CHST11: variants seen among roughly 807,000 people sequenced by gnomAD.
The protein encoded by CHST11 is carbohydrate sulfotransferase 11.
CHST11 carries 9 observed loss-of-function variants against 30.4 expected under a neutral mutation model. The observed-to-expected ratio is 0.30, with a 90% CI of 0.18 to 0.52. The LOEUF is 0.52. Ranked by LOEUF, CHST11 falls within the 20% of genes least tolerant of loss-of-function variation. CHST11 has a pLI of 0.97. For missense variants in CHST11, 348 were observed against 460.6 expected (o/e 0.76, Z 2.24); for synonymous variants, 152 against 187.8 (o/e 0.81, Z 1.56).
At chr12:104,718,021 A>T (rs1848694754) in intron 2 of CHST11, among the ~76,000 whole-genome samples, 1 of 152,240 alleles carries the variant, frequency 6.6e-6, no homozygotes, top group Admixed American at 6.5e-5. Flanking sequence ...ATGCAGAATC[A>T]GGACTTGTTC....
intron 2 of CHST11, among the ~76,000 whole-genome samples, chr12:104,697,786 C>T (rs1356952987): frequency 6.6e-6 from 1 of 152,206 alleles, no homozygotes. Flanking sequence ...CAGAGTTCAA[C>T]ATCATCTTTC....
chr12:104,663,825 G>A (rs564053218), intron 2 of CHST11, among the ~76,000 whole-genome samples: 3 of 152,090 alleles, frequency 2.0e-5, no homozygotes, highest in South Asian at 2.1e-4. Context: ...AGTTCCCAAG[G>A]GTGACTTTGT....
At chr12:104,642,594 T>G (rs986414365) in intron 2 of CHST11, among the ~76,000 whole-genome samples, 4 of 151,996 alleles carry the variant, frequency 2.6e-5, no homozygotes, top group Non-Finnish European at 1.5e-5. Flanking sequence ...GAGATGGGAT[T>G]TCACCATGTT....
intron 2 of CHST11, among the ~76,000 whole-genome samples, chr12:104,609,641 C>T (rs561547559): frequency 6.6e-6 from 1 of 152,290 alleles, no homozygotes; most frequent in East Asian, 1.9e-4. Flanking sequence ...GGGGCAGTCA[C>T]TTACCCTGTT....
intron 2 of CHST11, among the ~76,000 whole-genome samples, chr12:104,653,892 C>G (rs950166460): frequency 6.6e-6 from 1 of 152,164 alleles, no homozygotes; most frequent in African/African-American, 2.4e-5. Context: ...ACTGAAAAAC[C>G]TCAAACGGGT....
intron 2 of CHST11, among the ~76,000 whole-genome samples, chr12:104,680,290 C>G (rs1462551639): frequency 6.6e-6 from 1 of 152,246 alleles, no homozygotes; most frequent in Non-Finnish European, 1.5e-5. Flanking sequence ...GAGTGACATG[C>G]AAATGCCATG....
At chr12:104,593,342 G>A (rs1043734864) in intron 1 of CHST11, among the ~76,000 whole-genome samples, 12 of 152,212 alleles carry the variant, frequency 7.9e-5, no homozygotes, top group Admixed American at 6.5e-4. Context: ...TTTGGGAATG[G>A]TTTTAATGGC....
intron 1 of CHST11, among the ~76,000 whole-genome samples, chr12:104,584,326 C>T (rs1372286100): frequency 2.1e-5 from 3 of 144,904 alleles, no homozygotes; most frequent in African/African-American, 5.1e-5. Context: ...GTAGAATCTA[C>T]GCTCACTGCA....
At chr12:104,565,873 C>A (rs891604327) in intron 1 of CHST11, among the ~76,000 whole-genome samples, 1 of 152,188 alleles carries the variant, frequency 6.6e-6, no homozygotes, top group African/African-American at 2.4e-5. Flanking sequence ...CACTTTCTCC[C>A]TGTGTTTGCC....
intron 2 of CHST11, among the ~76,000 whole-genome samples, chr12:104,605,600 A>AAAAAAT (rs2038998191): frequency 1.3e-5 from 2 of 152,110 alleles, no homozygotes; most frequent in Non-Finnish European, 2.9e-5. Flanking sequence ...AAATAAAAAA[A>AAAAAAT]AAAGTTTGGA....
At chr12:104,648,441 G>A (rs531892887) in intron 2 of CHST11, among the ~76,000 whole-genome samples, 1 of 152,308 alleles carries the variant, frequency 6.6e-6, no homozygotes, top group South Asian at 2.1e-4. Context: ...GGTCATCGTG[G>A]TTCGGTAGGT....
At chr12:104,583,136 A>G (rs572320687) in intron 1 of CHST11, among the ~76,000 whole-genome samples, 4 of 152,186 alleles carry the variant, frequency 2.6e-5, no homozygotes, top group Non-Finnish European at 5.9e-5. Flanking sequence ...TCAAGGCAAC[A>G]GAAATCTTGT....
intron 2 of CHST11, among the ~76,000 whole-genome samples, chr12:104,630,960 T>C (rs778825879): frequency 6.6e-6 from 1 of 152,190 alleles, no homozygotes; most frequent in African/African-American, 2.4e-5. Flanking sequence ...GGCCTCTCAT[T>C]AACACTAGTG....
rs1207311211 is a variant in CHST11 at position 104,521,977 on chromosome 12, T to C, written c.118+64448T>C. Among the ~76,000 whole-genome samples, 3 of 152,250 alleles carry C rather than the reference T, an allele frequency of 2.0e-5. 1 individual carries two copies. The highest frequency in any genetic ancestry group is 1.5e-5 in the Non-Finnish European group (1 of 68,020). On this transcript the variant is annotated intron_variant, in intron 1 of 2. Transcript: ENST00000303694. ...GGTGGTGAAATCTCAGACAGGATCT[T>C]ATCACCCTCTCTGTGCCCGGAAAAT...
chr12:104,475,691 T>TATATA (rs6144846), intron 1 of CHST11, among the ~76,000 whole-genome samples: 3 of 127,770 alleles, frequency 2.3e-5, no homozygotes, highest in Admixed American at 8.3e-5. Context: ...TATATATATA[T>TATATA]TTCTGATTAT....
intron 1 of CHST11, among the ~76,000 whole-genome samples, chr12:104,599,084 C>G (rs2038933820): frequency 6.6e-6 from 1 of 152,200 alleles, no homozygotes; most frequent in African/African-American, 2.4e-5. Flanking sequence ...CTGCCTGTTG[C>G]ATAGCGAGCA....
At chr12:104,578,266 G>C (rs2038704286) in intron 1 of CHST11, among the ~76,000 whole-genome samples, 1 of 152,176 alleles carries the variant, frequency 6.6e-6, no homozygotes, top group African/African-American at 2.4e-5. Flanking sequence ...ACTTGCCACT[G>C]CTCGGATCTT....
chr12:104,624,546 A>G (rs1402187503), intron 2 of CHST11, among the ~76,000 whole-genome samples: 1 of 152,216 alleles, frequency 6.6e-6, no homozygotes, highest in Non-Finnish European at 1.5e-5. Context: ...TGAATGAAGA[A>G]GTTAAAAAGG....
At chr12:104,586,410 A>G (rs2136036001) in intron 1 of CHST11, among the ~76,000 whole-genome samples, 1 of 152,328 alleles carries the variant, frequency 6.6e-6, no homozygotes, top group South Asian at 2.1e-4. Flanking sequence ...GCACAGTCAG[A>G]CTGTGTGAAG....
Sources: gnomAD v4.1 joint callset for allele counts (sites outside exome capture counted in the v4.1 genomes callset) on GRCh38, gnomAD v4.1.1 for gene constraint, MANE v1.5 for transcripts, NCBI Gene and HGNC (gene_info 2026-07-23, HGNC 2026-07-21) for gene names.